The following CFAP54 variants were observed in gnomAD, a reference collection of about 807,000 sequenced individuals.
The protein encoded by CFAP54 is cilia- and flagella-associated protein 54.
CFAP54 carries 290 observed loss-of-function variants against 370.4 expected under a neutral mutation model. The observed-to-expected ratio is 0.78, with a 90% CI of 0.71 to 0.86. The LOEUF is 0.86. Among genes scored for constraint, CFAP54 ranks in the 40% least tolerant of loss-of-function variants. The probability of loss-of-function intolerance (pLI) is 0.00; values close to 1 mark genes in which losing one functional copy is unlikely to be tolerated. For synonymous variants in CFAP54, 1,206 were observed against 1,236.5 expected (o/e 0.98, Z 0.52); for missense variants, 3,399 against 3,528.7 (o/e 0.96, Z 0.93).
chr12:96,660,576 T>C (rs1378572713), intron 38 of CFAP54, among the ~76,000 whole-genome samples: 1 of 152,198 alleles, frequency 6.6e-6, no homozygotes, highest in Admixed American at 6.6e-5. Context: ...CTATCTTATC[T>C]CTGGAGGGGA....
rs973502099 is a variant in CFAP54 at position 96,768,828 on chromosome 12, G to A, written c.8281+3610G>A. Among the ~76,000 whole-genome samples, 9 of 152,298 alleles carry A rather than the reference G, an allele frequency of 5.9e-5. No individual in the cohort carries two copies. In the South Asian group the frequency reaches 6.2e-4, roughly 11 times the overall value. ...GATGGCATATGAGTTAATTAAGAGC[G>A]TTGTTTTCTGGGAGAGGTATATTAT... is the stretch of plus-strand genomic sequence containing the variant. On this transcript the variant is annotated intron_variant, in intron 60 of 67. Transcript: ENST00000524981.
At chr12:96,856,442 A>G (rs571171816) in intron 66 of CFAP54, among the ~76,000 whole-genome samples, 4 of 152,276 alleles carry the variant, frequency 2.6e-5, no homozygotes, top group African/African-American at 9.6e-5. Flanking sequence ...TTTGCTGCTT[A>G]GAAATTTCTT....
At chr12:96,628,191 C>G (rs1308794724) in intron 30 of CFAP54, among the ~76,000 whole-genome samples, 7 of 152,144 alleles carry the variant, frequency 4.6e-5, no homozygotes, top group Non-Finnish European at 8.8e-5. Context: ...AGAATGTATC[C>G]CTACCGCTAA....
At chr12:96,843,645 C>T (rs1023006335) in intron 66 of CFAP54, among the ~76,000 whole-genome samples, 3 of 152,154 alleles carry the variant, frequency 2.0e-5, no homozygotes, top group African/African-American at 7.2e-5. Flanking sequence ...ACTGCATGAC[C>T]TCTAAGGAAA....
At chr12:96,621,338 A>G (rs890750151) in intron 26 of CFAP54, among the ~76,000 whole-genome samples, 2 of 152,160 alleles carry the variant, frequency 1.3e-5, no homozygotes, top group African/African-American at 4.8e-5. Flanking sequence ...TGTGGCCCAG[A>G]GATATGGGAA....
At chr12:96,862,860 A>G (rs993658502) in intron 67 of CFAP54, among the ~76,000 whole-genome samples, 1 of 152,116 alleles carries the variant, frequency 6.6e-6, no homozygotes, top group African/African-American at 2.4e-5. Context: ...TGCATTTCTC[A>G]ATGGTGAGAG....
At chr12:96,555,564 ATAATATATAATATG>A (rs1955743264) in intron 17 of CFAP54, among the ~76,000 whole-genome samples, 2 of 146,670 alleles carry the variant, frequency 1.4e-5, no homozygotes, top group East Asian at 2.1e-4. Flanking sequence ...TATATAATAC[ATAATATATAATATG>A]TAATATATAA....
intron 2 of CFAP54, chr12:96,501,181 C>A: frequency 2.9e-6 from 1 of 348,436 alleles, no homozygotes; most frequent in Non-Finnish European, 5.3e-6. Flanking sequence ...TGTGGATGGG[C>A]AGGAGGGTGG....
intron 46 of CFAP54, among the ~76,000 whole-genome samples, chr12:96,703,345 G>A (rs934712526): frequency 6.6e-6 from 1 of 152,098 alleles, no homozygotes; most frequent in Non-Finnish European, 1.5e-5. Context: ...CTTTGGTAAG[G>A]TTTATTCTCT....
chr12:96,866,523 T>C (rs905126385), intron 67 of CFAP54, among the ~76,000 whole-genome samples: 4 of 152,112 alleles, frequency 2.6e-5, no homozygotes, highest in Non-Finnish European at 5.9e-5. Context: ...ATGGAATAGG[T>C]CTAAAACCAG....
intron 50 of CFAP54, among the ~76,000 whole-genome samples, chr12:96,734,535 C>T (rs897632570): frequency 6.6e-6 from 1 of 152,050 alleles, no homozygotes; most frequent in African/African-American, 2.4e-5. Context: ...ATAATAATCT[C>T]ATGTCATGAA....
intron 14 of CFAP54, among the ~76,000 whole-genome samples, chr12:96,547,296 C>T (rs1040541438): frequency 7.9e-5 from 12 of 152,176 alleles, no homozygotes; most frequent in Non-Finnish European, 1.6e-4. Context: ...AGCAATTCTC[C>T]TGCCTCAGCA....
intron 66 of CFAP54, among the ~76,000 whole-genome samples, chr12:96,837,823 C>T (rs1450919354): frequency 6.6e-6 from 1 of 152,186 alleles, no homozygotes; most frequent in African/African-American, 2.4e-5. Context: ...GCCAGAGTTC[C>T]TGCTTTCAAG....
Position 96,805,854 on chromosome 12 carries a change from A to G in CFAP54, c.8851-5882A>G, listed in dbSNP as rs187143275. On this transcript the variant is annotated intron_variant, in intron 63 of 67. Transcript: ENST00000524981. ...GGAATTAACCTACGTGTCCATCAGT[A>G]GAGGACTGGATAAAGAACTACTCAG... is the stretch of plus-strand genomic sequence containing the variant. Among the ~76,000 whole-genome samples the G allele has an allele frequency of 2.1e-3, 314 of 152,038 alleles. 2 individuals carry two copies. The highest frequency in any genetic ancestry group is 2.9e-3 in the Non-Finnish European group (200 of 67,924).
At chr12:96,790,738 C>G (rs1488409655) in intron 62 of CFAP54, among the ~76,000 whole-genome samples, 5 of 151,992 alleles carry the variant, frequency 3.3e-5, no homozygotes, top group African/African-American at 9.7e-5. Flanking sequence ...TGATTTAACC[C>G]TGCTAATCTT....
At position 96,658,728 on chromosome 12, in the gene CFAP54, G is replaced by A. The variant is rs12581109; in HGVS notation, c.5460+382G>A. Among the ~76,000 whole-genome samples the A allele has an allele frequency of 9.5e-3, 1,444 of 151,872 alleles. 55 individuals carry two copies. The East Asian group carries it at 0.1, about 11-fold the overall frequency. ...GCAACCTCCGCCTCTTCCTTAGTGT[G>A]TTAATTCAGTCTGTGGCTCTAAGTA... On this transcript the variant is annotated intron_variant, in intron 38 of 67. Transcript: ENST00000524981.
intron 23 of CFAP54, among the ~76,000 whole-genome samples, chr12:96,590,721 A>T (rs888028707): frequency 1.3e-5 from 2 of 152,170 alleles, no homozygotes; most frequent in Non-Finnish European, 2.9e-5. Flanking sequence ...AGTGACTGGG[A>T]TTTCTGGTGT....
At chr12:96,835,820 A>ACTAG (rs1959184398) in intron 66 of CFAP54, among the ~76,000 whole-genome samples, 1 of 152,082 alleles carries the variant, frequency 6.6e-6, no homozygotes, top group Admixed American at 6.5e-5. Flanking sequence ...TGGGGCTCCC[A>ACTAG]CTAGCTCCAT....
At chr12:96,575,762 G>A (rs1452119515) in intron 19 of CFAP54, among the ~76,000 whole-genome samples, 1 of 152,104 alleles carries the variant, frequency 6.6e-6, no homozygotes, top group African/African-American at 2.4e-5. Flanking sequence ...TGCCTATGGT[G>A]TGAAGTAGGA....
Sources: allele counts gnomAD v4.1 joint callset (sites outside exome capture counted in the v4.1 genomes callset), GRCh38; gene constraint gnomAD v4.1.1; transcripts MANE v1.5; gene names NCBI Gene and HGNC (gene_info 2026-07-23, HGNC 2026-07-21).